NAALADL2: variants seen among roughly 807,000 people sequenced by gnomAD.
NAALADL2 encodes the protein N-acetylated alpha-linked acidic dipeptidase like 2, also known as inactive N-acetylated-alpha-linked acidic dipeptidase-like protein 2.
A neutral mutation model predicts 87.2 loss-of-function variants in NAALADL2; 76 were observed. That is an observed-to-expected ratio of 0.87 (90% CI 0.72 to 1.05). The LOEUF (loss-of-function observed/expected upper bound fraction) is 1.05. NAALADL2 is among the 50% of genes least tolerant of loss of function. The pLI is 0.00. For synonymous variants in NAALADL2, 354 were observed against 331.0 expected, an observed-to-expected ratio of 1.07 and a Z score of -0.75; for missense variants, 1,089 against 945.8, an observed-to-expected ratio of 1.15 and a Z score of -1.99.
At chr3:175,513,980 A>G (rs1731507833) in intron 9 of NAALADL2, among the ~76,000 whole-genome samples, 1 of 152,230 alleles carries the variant, frequency 6.6e-6, no homozygotes, top group African/African-American at 2.4e-5. Context: ...TGAATCAACC[A>G]CAGGGCAATC....
intron 1 of NAALADL2, among the ~76,000 whole-genome samples, chr3:175,028,103 G>C (rs1032578476): frequency 6.6e-6 from 1 of 152,010 alleles, no homozygotes; most frequent in Non-Finnish European, 1.5e-5. Context: ...CTTAACAGGA[G>C]TAAAAGGTTT....
At chr3:175,638,872 T>G (rs1334983485) in intron 11 of NAALADL2, among the ~76,000 whole-genome samples, 2 of 152,198 alleles carry the variant, frequency 1.3e-5, no homozygotes, top group Non-Finnish European at 2.9e-5. Context: ...ATATTGACCC[T>G]GCCAACGTCC....
intron 3 of NAALADL2, among the ~76,000 whole-genome samples, chr3:174,829,968 T>A (rs1222331237): frequency 1.5e-5 from 2 of 132,376 alleles, no homozygotes; most frequent in South Asian, 2.4e-4. Context: ...GGGTTGTTTG[T>A]TTTTTTCTTG....
At chr3:174,905,063 G>C (rs1346651151) in intron 1 of NAALADL2, among the ~76,000 whole-genome samples, 1 of 151,758 alleles carries the variant, frequency 6.6e-6, no homozygotes, top group Non-Finnish European at 1.5e-5. Context: ...GAGTTTAGAA[G>C]TAGTCCACTG....
intron 3 of NAALADL2, among the ~76,000 whole-genome samples, chr3:174,747,621 CA>C (rs150843588): frequency 0.033 from 1,281 of 38,630 alleles, 1 homozygote; most frequent in African/African-American, 0.071. Flanking sequence ...GACCCCATCT[CA>C]AAAAAAAAAA....
At chr3:174,585,441 A>G (rs16862167) in intron 2 of NAALADL2, among the ~76,000 whole-genome samples, 2,509 of 152,306 alleles carry the variant, frequency 0.016, 69 homozygotes, top group African/African-American at 0.056. Context: ...GCAAGAGAAC[A>G]ATGTTGATGG....
intron 2 of NAALADL2, among the ~76,000 whole-genome samples, chr3:175,173,165 G>T (rs1022090462): frequency 6.6e-6 from 1 of 151,866 alleles, no homozygotes; most frequent in Non-Finnish European, 1.5e-5. Context: ...GGTGGCAGGC[G>T]CCTGTAGTCC....
intron 3 of NAALADL2, among the ~76,000 whole-genome samples, chr3:174,760,853 T>G (rs770878864): frequency 1.3e-5 from 2 of 152,274 alleles, no homozygotes; most frequent in Non-Finnish European, 2.9e-5. Context: ...CTTAGTTGTT[T>G]CTTTCAATTT....
intron 5 of NAALADL2, among the ~76,000 whole-genome samples, chr3:175,326,614 T>C (rs1234058630): frequency 1.3e-5 from 2 of 152,186 alleles, no homozygotes; most frequent in African/African-American, 4.8e-5. Flanking sequence ...AGAGCGGAGA[T>C]TTGTTTCTTA....
chr3:174,986,325 A>AAT (rs1440207590), intron 1 of NAALADL2, among the ~76,000 whole-genome samples: 5 of 148,300 alleles, frequency 3.4e-5, no homozygotes. Context: ...ATATATATAC[A>AAT]ATATATATAT....
intron 2 of NAALADL2, among the ~76,000 whole-genome samples, chr3:174,556,164 G>C (rs1670500031): frequency 1.3e-5 from 2 of 152,082 alleles, no homozygotes; most frequent in African/African-American, 4.8e-5. Context: ...TCAGGAAAAG[G>C]AATCTTTGTG....
intron 5 of NAALADL2, among the ~76,000 whole-genome samples, chr3:175,408,063 T>C (rs767344871): frequency 3.9e-5 from 6 of 152,090 alleles, no homozygotes; most frequent in Non-Finnish European, 8.8e-5. Context: ...CATTATGGAA[T>C]CTTAAAAAGT....
chr3:174,695,629 T>C (rs1393848636), intron 2 of NAALADL2, among the ~76,000 whole-genome samples: 1 of 152,040 alleles, frequency 6.6e-6, no homozygotes, highest in Non-Finnish European at 1.5e-5. Flanking sequence ...TTGGATTGTT[T>C]GGTAGGGAGC....
At chr3:175,575,937 A>T (rs2149556182) in intron 9 of NAALADL2, 104 bp from the exon 10 acceptor site, 2 of 912,100 alleles carry the variant, frequency 2.2e-6, no homozygotes, top group South Asian at 3.6e-5. Flanking sequence ...GTCTCCAGGG[A>T]GACATTGATG....
chr3:175,233,904 A>G, intron 2 of NAALADL2, 27 bp from the exon 3 acceptor site: 1 of 1,382,678 alleles, frequency 7.2e-7, no homozygotes, highest in Non-Finnish European at 1.0e-6. Flanking sequence ...CCTTTTTAAA[A>G]AAGTTTTCTT....
intron 3 of NAALADL2, among the ~76,000 whole-genome samples, chr3:174,763,401 A>G (rs1206331390): frequency 1.3e-5 from 2 of 151,698 alleles, no homozygotes; most frequent in African/African-American, 2.4e-5. Context: ...AGCCTGACCA[A>G]CATGGTGAAA....
At chr3:175,794,234 G>A (rs1753175864) in intron 13 of NAALADL2, among the ~76,000 whole-genome samples, 1 of 152,148 alleles carries the variant, frequency 6.6e-6, no homozygotes, top group Non-Finnish European at 1.5e-5. Context: ...CTGAGTGGAA[G>A]CTGAAATACT....
At chr3:175,714,366 A>G (rs1004613539) in intron 11 of NAALADL2, among the ~76,000 whole-genome samples, 4 of 151,986 alleles carry the variant, frequency 2.6e-5, no homozygotes, top group Admixed American at 6.6e-5. Context: ...AAGCATCCCT[A>G]TTTCTCCACA....
At chr3:175,224,975 A>T (rs1169889324) in intron 2 of NAALADL2, among the ~76,000 whole-genome samples, 1 of 152,150 alleles carries the variant, frequency 6.6e-6, no homozygotes, top group East Asian at 1.9e-4. Flanking sequence ...TTGTAACCTG[A>T]CATGTCAAGA....
Sources: allele counts gnomAD v4.1 joint callset (sites outside exome capture counted in the v4.1 genomes callset), GRCh38; gene constraint gnomAD v4.1.1; transcripts MANE v1.5; gene names NCBI Gene and HGNC (gene_info 2026-07-23, HGNC 2026-07-21).